The following PDE1A variants were observed in gnomAD, a reference collection of about 807,000 sequenced individuals.
PDE1A encodes the protein dual specificity calcium/calmodulin-dependent 3',5'-cyclic nucleotide phosphodiesterase 1A.
A neutral mutation model predicts 61.7 loss-of-function variants in PDE1A; 35 were observed. That is an observed-to-expected ratio of 0.57 (90% CI 0.43 to 0.75). The LOEUF is 0.75. Ranked by LOEUF, PDE1A falls within the 30% of genes least tolerant of loss-of-function variation. PDE1A has a pLI of 0.00. For missense variants in PDE1A, 597 were observed against 630.6 expected (o/e 0.95, Z 0.57); for synonymous variants, 232 against 213.2 (o/e 1.09, Z -0.77).
chr2:182,176,615 A>G (rs1692818161), intron 13 of PDE1A, among the ~76,000 whole-genome samples: 1 of 148,422 alleles, frequency 6.7e-6, no homozygotes, highest in Non-Finnish European at 1.5e-5. Context: ...TAGATATACA[A>G]TCATGTCGTC....
intron 1 of PDE1A, among the ~76,000 whole-genome samples, chr2:182,295,057 C>CTTTTTTTTTTTTTTTTTTTTTTTTT (rs11420821): frequency 1.7e-5 from 1 of 59,350 alleles, no homozygotes; most frequent in Non-Finnish European, 3.0e-5. Flanking sequence ...AAAAGGTAAT[C>CTTTTTTTTTTTTTTTTTTTTTTTTT]TTTTTTTTTT....
chr2:182,365,881 T>C (rs1699810441), intron 1 of PDE1A, among the ~76,000 whole-genome samples: 1 of 152,084 alleles, frequency 6.6e-6, no homozygotes, highest in East Asian at 1.9e-4. Context: ...TAAAGGGCTT[T>C]GTACCCCACA....
intron 1 of PDE1A, among the ~76,000 whole-genome samples, chr2:182,305,307 T>C (rs1007610719): frequency 2.6e-5 from 4 of 152,106 alleles, no homozygotes; most frequent in Admixed American, 1.3e-4. Flanking sequence ...GTTTTTCCTC[T>C]ACATCATGAA....
At chr2:182,391,896 T>C (rs758315023) in intron 1 of PDE1A, among the ~76,000 whole-genome samples, 20 of 152,152 alleles carry the variant, frequency 1.3e-4, no homozygotes, top group Non-Finnish European at 1.8e-4. Flanking sequence ...CCAGGCTGAA[T>C]GGACAAAAAA....
At chr2:182,650,665 ATAAAG>A in the PDE1A span, among the ~76,000 whole-genome samples, 1 of 152,258 alleles carries the variant, frequency 6.6e-6, no homozygotes, top group Non-Finnish European at 1.5e-5. Context: ...GTAAAATGTC[ATAAAG>A]TAATGTAGGG....
chr2:182,192,011 A>G (rs769104115), intron 10 of PDE1A, among the ~76,000 whole-genome samples: 1 of 151,970 alleles, frequency 6.6e-6, no homozygotes, highest in African/African-American at 2.4e-5. Flanking sequence ...GCCTGCCACC[A>G]TGCTGAGCTA....
At chr2:182,541,182 A>T in the PDE1A span, among the ~76,000 whole-genome samples, 1 of 152,220 alleles carries the variant, frequency 6.6e-6, no homozygotes, top group African/African-American at 2.4e-5. Flanking sequence ...CATGATTTAA[A>T]TGAAAAAGTT....
the PDE1A span, among the ~76,000 whole-genome samples, chr2:182,700,730 A>AAAAAAAAAAAAAAAAAAC: frequency 1.4e-5 from 2 of 143,748 alleles, 1 homozygote; most frequent in Non-Finnish European, 3.1e-5. Context: ...TCAAAAAAAA[A>AAAAAAAAAAAAAAAAAAC]AAAAAAAAAA....
intron 1 of PDE1A, among the ~76,000 whole-genome samples, chr2:182,384,310 C>A (rs1486510162): frequency 6.6e-6 from 1 of 151,696 alleles, no homozygotes; most frequent in Non-Finnish European, 1.5e-5. Flanking sequence ...AGTGATTGAC[C>A]CTAAAAAATG....
chr2:182,414,010 A>G (rs1702771816), intron 1 of PDE1A, among the ~76,000 whole-genome samples: 1 of 152,274 alleles, frequency 6.6e-6, no homozygotes, highest in African/African-American at 2.4e-5. Flanking sequence ...CATCAGGTGG[A>G]CATGTTTAAG....
chr2:182,420,256 G>A (rs1220656234), intron 1 of PDE1A, among the ~76,000 whole-genome samples: 1 of 151,944 alleles, frequency 6.6e-6, no homozygotes, highest in Non-Finnish European at 1.5e-5. Flanking sequence ...GAATAGATAT[G>A]TCTTTGGCAT....
At chr2:182,705,886 T>C in the PDE1A span, among the ~76,000 whole-genome samples, 1 of 152,208 alleles carries the variant, frequency 6.6e-6, no homozygotes, top group Non-Finnish European at 1.5e-5. Context: ...TGCAGAATAT[T>C]ACTGATTTCA....
At chr2:182,153,914 T>A (rs988591413) in intron 13 of PDE1A, among the ~76,000 whole-genome samples, 5 of 152,184 alleles carry the variant, frequency 3.3e-5, no homozygotes, top group African/African-American at 9.6e-5. Flanking sequence ...TAATGTACAC[T>A]ATTCGGGTGA....
chr2:182,534,261 G>GT, the PDE1A span, among the ~76,000 whole-genome samples: 51 of 150,140 alleles, frequency 3.4e-4, no homozygotes, highest in African/African-American at 4.4e-4. Context: ...GCCAATCCCT[G>GT]TTTTTTTTTC....
chr2:182,268,956 C>T (rs1692823822), intron 1 of PDE1A, among the ~76,000 whole-genome samples: 1 of 151,814 alleles, frequency 6.6e-6, no homozygotes, highest in South Asian at 2.1e-4. Context: ...TTCAGGCATG[C>T]AAACAAGCAG....
chr2:182,590,434 C>T, the PDE1A span, among the ~76,000 whole-genome samples: 1 of 151,964 alleles, frequency 6.6e-6, no homozygotes, highest in East Asian at 1.9e-4. Flanking sequence ...TGCCACTGCA[C>T]TCCAGCCTGG....
Position 182,333,193 on chromosome 2 carries a change from C to T in PDE1A, c.54-68779G>A, listed in dbSNP as rs538180764. ...CAACGAGACAGAAAATTAACAAGGACATTCGGGACTTGAACTCAGCTCTGG... is the reference window on the plus strand; with the variant it reads ...CAACGAGACAGAAAATTAACAAGGATATTCGGGACTTGAACTCAGCTCTGG... On this transcript the variant is annotated intron_variant, in intron 1 of 13. Transcript: ENST00000351439. 7.2e-5 allele frequency among the ~76,000 whole-genome samples: 11 copies of T among 152,130 alleles called. No individual in the cohort carries two copies. In the East Asian group the frequency reaches 9.7e-4, roughly 13 times the overall value.
At chr2:182,535,034 T>C in the PDE1A span, among the ~76,000 whole-genome samples, 1 of 148,760 alleles carries the variant, frequency 6.7e-6, no homozygotes, top group African/African-American at 2.5e-5. Context: ...AAAATTTTTC[T>C]GCTGCCTTCA....
chr2:182,617,363 G>A, the PDE1A span, among the ~76,000 whole-genome samples: 2 of 152,206 alleles, frequency 1.3e-5, no homozygotes, highest in Non-Finnish European at 2.9e-5. Context: ...TGTTTGCGAG[G>A]CTCTACCAGG....
Sources: gnomAD v4.1 joint callset for allele counts (sites outside exome capture counted in the v4.1 genomes callset) on GRCh38, gnomAD v4.1.1 for gene constraint, MANE v1.5 for transcripts, NCBI Gene and HGNC (gene_info 2026-07-23, HGNC 2026-07-21) for gene names.